The following CACNA2D3 variants were observed in gnomAD, a reference collection of about 807,000 sequenced individuals.
CACNA2D3 encodes the protein calcium voltage-gated channel auxiliary subunit alpha2delta 3.
In CACNA2D3, 60 loss-of-function variants were observed where a neutral mutation model predicts 160.6. The observed-to-expected ratio is 0.37, with a 90% confidence interval of 0.30 to 0.46. CACNA2D3 has a LOEUF of 0.46. CACNA2D3 is among the 20% of genes least tolerant of loss of function. The pLI is 1.00. For synonymous variants in CACNA2D3, 558 were observed against 492.9 expected (o/e 1.13, Z -1.75); for missense variants, 1,205 against 1,365.0 (o/e 0.88, Z 1.85).
At position 54,651,194 on chromosome 3, in the gene CACNA2D3, T is replaced by C. The variant is rs376677246; in HGVS notation, c.1167+8953T>C. On this transcript the variant is annotated intron_variant, in intron 11 of 37. Transcript: ENST00000474759. ...GGACAGTAAGTCCTTTTCCTTGGCC[T>C]CCTGCCCCCAAGTACAGGAGGGTCT... Among the ~76,000 whole-genome samples the C allele has an allele frequency of 1.3e-4, 20 of 152,258 alleles. No individual in the cohort carries two copies. In the East Asian group the frequency reaches 3.7e-3, roughly 28 times the overall value.
chr3:54,939,692 C>G (rs1701414429), intron 27 of CACNA2D3, among the ~76,000 whole-genome samples: 1 of 152,216 alleles, frequency 6.6e-6, no homozygotes, highest in Admixed American at 6.5e-5. Flanking sequence ...TGGCTGTTTC[C>G]CTATTCAGAA....
chr3:54,510,264 G>A (rs1477448892), intron 5 of CACNA2D3, among the ~76,000 whole-genome samples: 5 of 151,792 alleles, frequency 3.3e-5, no homozygotes, highest in East Asian at 3.9e-4. Context: ...AGGGTGGGTC[G>A]GTGAGTGGAT....
chr3:54,821,688 CTTT>C (rs1559594944), intron 14 of CACNA2D3, among the ~76,000 whole-genome samples: 6,387 of 129,388 alleles, frequency 0.049, 255 homozygotes, highest in African/African-American at 0.088. Flanking sequence ...TTCTTTCTTT[CTTT>C]CTTTCTTTCC....
At chr3:54,848,167 G>T (rs1698976084) in intron 17 of CACNA2D3, among the ~76,000 whole-genome samples, 1 of 152,136 alleles carries the variant, frequency 6.6e-6, no homozygotes, top group Admixed American at 6.6e-5. Context: ...TATGTCTTCT[G>T]GCCCTGCAGC....
intron 27 of CACNA2D3, among the ~76,000 whole-genome samples, chr3:54,931,228 G>A (rs1024269053): frequency 1.3e-5 from 2 of 152,172 alleles, no homozygotes; most frequent in African/African-American, 4.8e-5. Context: ...CAGAGCTAAT[G>A]GGTTCCTGGC....
At chr3:54,442,926 G>T (rs185897727) in intron 4 of CACNA2D3, among the ~76,000 whole-genome samples, 1 of 152,260 alleles carries the variant, frequency 6.6e-6, no homozygotes, top group African/African-American at 2.4e-5. Flanking sequence ...GATTTTGGTT[G>T]CTTATGAAAC....
chr3:54,789,716 T>C, intron 13 of CACNA2D3: 1 of 450,424 alleles, frequency 2.2e-6, no homozygotes, highest in Non-Finnish European at 4.5e-6. Flanking sequence ...TAATTCTAGG[T>C]ATATGAGTTG....
At chr3:54,780,457 A>C (rs1702511803) in intron 13 of CACNA2D3, among the ~76,000 whole-genome samples, 1 of 152,222 alleles carries the variant, frequency 6.6e-6, no homozygotes, top group South Asian at 2.1e-4. Context: ...AGTTCCTAAC[A>C]GTGGTTTTCT....
intron 11 of CACNA2D3, among the ~76,000 whole-genome samples, chr3:54,652,254 G>T (rs1286500685): frequency 1.3e-5 from 2 of 152,280 alleles, no homozygotes; most frequent in South Asian, 2.1e-4. Flanking sequence ...AGGGAAGGAG[G>T]TAGCTGTCTT....
At position 54,506,807 on chromosome 3, in the gene CACNA2D3, G is replaced by T. The variant is rs138239061; in HGVS notation, c.544+3153G>T. 9.5e-4 allele frequency among the ~76,000 whole-genome samples: 145 copies of T among 152,254 alleles called. 1 individual carries two copies. The highest frequency in any genetic ancestry group is 3.2e-3 in the African/African-American group (132 of 41,538). The stretch of plus-strand genomic sequence containing the variant: ...ATTTCGGAGACTTTGAAGATGAATG[G>T]CTGATACCTTTAGAGCCGTAAATGA... On this transcript the variant is annotated intron_variant, in intron 5 of 37. Transcript: ENST00000474759.
At chr3:54,728,402 A>C (rs1701317914) in intron 11 of CACNA2D3, among the ~76,000 whole-genome samples, 1 of 152,134 alleles carries the variant, frequency 6.6e-6, no homozygotes, top group Non-Finnish European at 1.5e-5. Context: ...CAATGTTTTC[A>C]ATTCTAGGAA....
intron 2 of CACNA2D3, among the ~76,000 whole-genome samples, chr3:54,126,719 G>A (rs1196553846): frequency 6.6e-6 from 1 of 152,188 alleles, no homozygotes; most frequent in African/African-American, 2.4e-5. Flanking sequence ...TAGATGCTGT[G>A]AGAGAATAGC....
intron 4 of CACNA2D3, among the ~76,000 whole-genome samples, chr3:54,402,729 A>G (rs540104167): frequency 6.6e-6 from 1 of 152,316 alleles, no homozygotes; most frequent in Admixed American, 6.5e-5. Flanking sequence ...CAAGCAGATG[A>G]AAATTAATAA....
At chr3:54,827,208 G>A (rs1404886728) in intron 14 of CACNA2D3, among the ~76,000 whole-genome samples, 4 of 152,238 alleles carry the variant, frequency 2.6e-5, no homozygotes, top group African/African-American at 9.6e-5. Flanking sequence ...CTGAAGCAAG[G>A]CACTTTGCCT....
chr3:54,581,800 C>A lies in CACNA2D3; in HGVS notation c.889-3C>A. 6.2e-7 allele frequency: 1 copy of A among 1,611,384 alleles called. No individual in the cohort carries two copies. Among genetic ancestry groups the A allele is most frequent in the Non-Finnish European group, 8.5e-7 (1 of 1,178,522 alleles). ...GTTCCTTCTTGACTTTTTTCCTTTGCAGTATAATGAGGAGCTTCACTATGT... is the reference window on the plus strand; with the variant it reads ...GTTCCTTCTTGACTTTTTTCCTTTGAAGTATAATGAGGAGCTTCACTATGT... On this transcript the variant is annotated splice_region_variant and splice_polypyrimidine_tract_variant and intron_variant, in intron 8 of 37. Coordinates refer to ENST00000474759, the MANE Select transcript of CACNA2D3 (RefSeq NM_018398.3).
chr3:54,514,416 C>T lies in CACNA2D3; in HGVS notation c.544+10762C>T, dbSNP rs1007596607. ...AGCAACTGGAATGGCATTTGCAGAA[C>T]TGGGTTCTGTGGGACACTGCCACCA... On this transcript the variant is annotated intron_variant, in intron 5 of 37. Coordinates refer to ENST00000474759, the MANE Select transcript of CACNA2D3 (RefSeq NM_018398.3). Among the ~76,000 whole-genome samples the T allele has an allele frequency of 2.6e-5, 4 of 152,192 alleles. No individual in the cohort carries two copies. In the South Asian group the frequency reaches 8.3e-4, roughly 32 times the overall value.
At chr3:54,661,846 A>ATG (rs869104703) in intron 11 of CACNA2D3, among the ~76,000 whole-genome samples, 1,799 of 16,342 alleles carry the variant, frequency 0.11, 16 homozygotes, top group Non-Finnish European at 0.14. Flanking sequence ...GGATGTGTGT[A>ATG]TGTGTGTGTG....
chr3:54,631,632 T>C (rs1360231558), intron 10 of CACNA2D3, among the ~76,000 whole-genome samples: 1 of 152,228 alleles, frequency 6.6e-6, no homozygotes, highest in Non-Finnish European at 1.5e-5. Context: ...GTTTATTCTG[T>C]TTTACAGTTA....
chr3:54,581,349 A>G (rs1406339750), intron 8 of CACNA2D3, among the ~76,000 whole-genome samples: 3 of 152,148 alleles, frequency 2.0e-5, no homozygotes, highest in Non-Finnish European at 4.4e-5. Context: ...TGACCAGGGA[A>G]CATCAAGGCT....
Sources: gnomAD v4.1 joint callset for allele counts (sites outside exome capture counted in the v4.1 genomes callset) on GRCh38, gnomAD v4.1.1 for gene constraint, MANE v1.5 for transcripts, NCBI Gene and HGNC (gene_info 2026-07-23, HGNC 2026-07-21) for gene names.